Variants in XIRP2 observed in about 807,000 individuals in gnomAD.
XIRP2 encodes xin actin-binding repeat-containing protein 2.
A neutral mutation model predicts 277.0 loss-of-function variants in XIRP2; 236 were observed. That is an observed-to-expected ratio of 0.85 (90% CI 0.77 to 0.95). The LOEUF is 0.95. XIRP2 is among the 40% of genes least tolerant of loss of function. The pLI, the probability that XIRP2 is intolerant of heterozygous loss-of-function variation, is 0.00. For missense variants in XIRP2, 4,640 were observed against 4,157.5 expected (o/e 1.12, Z -3.19); for synonymous variants, 1,490 against 1,416.5 (o/e 1.05, Z -1.17).
chr2:166,982,079 CTT>C (rs1686884164), intron 2 of XIRP2, among the ~76,000 whole-genome samples: 1 of 151,884 alleles, frequency 6.6e-6, no homozygotes, highest in South Asian at 2.1e-4. Flanking sequence ...TTGAAAATGT[CTT>C]TAACATTTTT....
At chr2:167,104,593 T>G (rs1439849380) in intron 2 of XIRP2, among the ~76,000 whole-genome samples, 1 of 152,126 alleles carries the variant, frequency 6.6e-6, no homozygotes, top group Non-Finnish European at 1.5e-5. Flanking sequence ...TAACTTTTTA[T>G]TACAAGATTA....
intron 1 of XIRP2, among the ~76,000 whole-genome samples, chr2:166,896,441 G>A (rs1050882736): frequency 2.6e-5 from 4 of 151,480 alleles, no homozygotes; most frequent in African/African-American, 9.7e-5. Context: ...CCCTGTATAG[G>A]CCTAGGCCAA....
At chr2:167,176,037 A>G (rs376008643) in intron 3 of XIRP2, among the ~76,000 whole-genome samples, 1 of 152,122 alleles carries the variant, frequency 6.6e-6, no homozygotes, top group African/African-American at 2.4e-5. Flanking sequence ...AAGCCAATGG[A>G]TCTTAGTTTG....
Position 167,042,105 on chromosome 2 carries a change from A to T in XIRP2, c.409-93804A>T, listed in dbSNP as rs1228825863. Among the ~76,000 whole-genome samples, 2 of 152,182 alleles carry T rather than the reference A, an allele frequency of 1.3e-5. 1 individual carries two copies. The highest frequency in any genetic ancestry group is 4.8e-5 in the African/African-American group (2 of 41,442). On this transcript the variant is annotated intron_variant, in intron 2 of 10. Coordinates refer to ENST00000409195, the MANE Select transcript of XIRP2 (RefSeq NM_152381.6). ...CAGCCAAACTAAGTTTCATAAGCAA[A>T]GGAGAAATAAAATCCTTTACAGACA...
chr2:167,050,036 T>C (rs988610644), intron 2 of XIRP2, among the ~76,000 whole-genome samples: 15 of 152,216 alleles, frequency 9.9e-5, no homozygotes, highest in African/African-American at 3.6e-4. Flanking sequence ...ATTATGATTA[T>C]ATGGAAATTT....
At chr2:167,040,106 A>AT (rs1489364882) in intron 2 of XIRP2, among the ~76,000 whole-genome samples, 1 of 152,074 alleles carries the variant, frequency 6.6e-6, no homozygotes, top group Non-Finnish European at 1.5e-5. Flanking sequence ...TATTAGAAGC[A>AT]TTTTGTAATG....
intron 5 of XIRP2, among the ~76,000 whole-genome samples, chr2:167,230,122 T>C (rs1350399095): frequency 6.6e-6 from 1 of 152,134 alleles, no homozygotes; most frequent in Non-Finnish European, 1.5e-5. Flanking sequence ...ATCAGTGCCC[T>C]CTAGGGATAT....
Position 167,248,792 on chromosome 2 carries a change from T to A in XIRP2, c.7400T>A (p.Met2467Lys). 6.2e-7 allele frequency: 1 copy of A among 1,613,666 alleles called. No homozygotes were observed. Among genetic ancestry groups the A allele is most frequent in the African/African-American group, 1.3e-5 (1 of 74,974 alleles). Residue 2467 changes from methionine to lysine, a missense_variant, in exon 9 of 11, where the codon ATG becomes AAG. Transcript: ENST00000409195. ...ITTSKDQKKV[M>K]VMTSSEHTET... ...ACCTCAAAGGATCAGAAAAAAGTAA[T>A]GGTGATGACCAGCAGTGAACACACG...
At chr2:166,913,967 CCA>C (rs1235081085) in intron 2 of XIRP2, among the ~76,000 whole-genome samples, 1 of 152,118 alleles carries the variant, frequency 6.6e-6, no homozygotes, top group Admixed American at 6.6e-5. Context: ...CAAAAGTCTC[CCA>C]AAGATATTTA....
intron 2 of XIRP2, among the ~76,000 whole-genome samples, chr2:167,075,178 G>T (rs998288752): frequency 6.6e-6 from 1 of 151,798 alleles, no homozygotes; most frequent in Non-Finnish European, 1.5e-5. Context: ...TTACATTTTT[G>T]GTTTTTTGTT....
At chr2:167,030,867 G>A (rs1366981557) in intron 2 of XIRP2, among the ~76,000 whole-genome samples, 1 of 151,952 alleles carries the variant, frequency 6.6e-6, no homozygotes, top group African/African-American at 2.4e-5. Flanking sequence ...TATGAATCTG[G>A]GTGTTCCTGT....
Position 167,259,522 on chromosome 2 carries a change from C to G in XIRP2, c.*1705C>G. On this transcript the variant is annotated 3_prime_UTR_variant, in exon 11 of 11. Coordinates refer to ENST00000409195, the MANE Select transcript of XIRP2 (RefSeq NM_152381.6). ...TCAATGGGATATTTCTTGTATTACACCTTGTCATTTTTTTCACAATTTATT... is the reference window on the plus strand; with the variant it reads ...TCAATGGGATATTTCTTGTATTACAGCTTGTCATTTTTTTCACAATTTATT... 1.5e-6 allele frequency: 1 copy of G among 651,272 alleles called. No homozygotes were observed. Among genetic ancestry groups the G allele is most frequent in the Non-Finnish European group, 2.4e-6 (1 of 413,576 alleles). The allele number at this position is 651,272 out of a possible 1,614,324, so 40.3% of individuals were successfully genotyped here.
At chr2:166,917,531 A>T (rs1166936217) in intron 2 of XIRP2, among the ~76,000 whole-genome samples, 2 of 152,124 alleles carry the variant, frequency 1.3e-5, no homozygotes, top group African/African-American at 4.8e-5. Context: ...CCAACTAAAC[A>T]TATTTGCATG....
At chr2:167,133,389 G>A (rs574941346) in intron 2 of XIRP2, among the ~76,000 whole-genome samples, 1 of 152,270 alleles carries the variant, frequency 6.6e-6, no homozygotes, top group African/African-American at 2.4e-5. Flanking sequence ...GAATGACTTT[G>A]ATGTGATGAC....
At chr2:166,913,902 C>T (rs1416429050) in intron 2 of XIRP2, among the ~76,000 whole-genome samples, 1 of 152,118 alleles carries the variant, frequency 6.6e-6, no homozygotes, top group South Asian at 2.1e-4. Context: ...TTATTCTTCA[C>T]TTAGATTCAA....
At chr2:167,252,165 G>C (rs1277604545) in intron 9 of XIRP2, among the ~76,000 whole-genome samples, 1 of 151,926 alleles carries the variant, frequency 6.6e-6, no homozygotes, top group Non-Finnish European at 1.5e-5. Context: ...CACTGTGTGA[G>C]AATAACAAAT....
chr2:166,912,191 C>T (rs1246281901), intron 2 of XIRP2, among the ~76,000 whole-genome samples: 1 of 152,134 alleles, frequency 6.6e-6, no homozygotes, highest in Non-Finnish European at 1.5e-5. Context: ...TGGATAATAT[C>T]CTGCAGAGTG....
At chr2:166,970,896 G>T (rs1686560135) in intron 2 of XIRP2, among the ~76,000 whole-genome samples, 1 of 151,842 alleles carries the variant, frequency 6.6e-6, no homozygotes, top group African/African-American at 2.4e-5. Flanking sequence ...ATAAATGAAT[G>T]AAATGTACAA....
intron 3 of XIRP2, among the ~76,000 whole-genome samples, chr2:167,189,251 C>G (rs1485593707): frequency 1.3e-5 from 2 of 152,156 alleles, no homozygotes; most frequent in African/African-American, 2.4e-5. Flanking sequence ...CTCTTTCTCT[C>G]TCTTGTGCTC....
Sources: gnomAD v4.1 joint callset for allele counts (sites outside exome capture counted in the v4.1 genomes callset) on GRCh38, gnomAD v4.1.1 for gene constraint, MANE v1.5 for transcripts, NCBI Gene and HGNC (gene_info 2026-07-23, HGNC 2026-07-21) for gene names.